The following KIR2DL1 variants were observed in gnomAD, a reference collection of about 807,000 sequenced individuals.
The protein encoded by KIR2DL1 is killer cell immunoglobulin like receptor, two Ig domains and long cytoplasmic tail 1.
A neutral mutation model predicts 33.9 loss-of-function variants in KIR2DL1; 38 were observed. That is an observed-to-expected ratio of 1.12 (90% CI 0.86 to 1.47). The LOEUF (loss-of-function observed/expected upper bound fraction) is 1.47, where lower values mean the gene tolerates loss of function less well. Ranked by LOEUF, KIR2DL1 falls within the 40% of genes most tolerant of loss-of-function variation. KIR2DL1 has a pLI of 0.00. For synonymous variants in KIR2DL1, 179 were observed against 165.9 expected, an observed-to-expected ratio of 1.08 and a Z score of -0.61; for missense variants, 531 against 433.9, an observed-to-expected ratio of 1.22 and a Z score of -1.99.
Position 54,775,370 on chromosome 19 carries a change from C to A in KIR2DL1, c.576C>A (p.His192Gln), listed in dbSNP as rs28465191. 0.031 allele frequency: 46,417 copies of A among 1,479,100 alleles called. 7 individuals carry two copies. The highest frequency in any genetic ancestry group is 0.085 in the Middle Eastern group (471 of 5,534). The allele number at this position is 1,479,100 out of a possible 1,614,324, so 91.6% of individuals were successfully genotyped here. A position where few individuals can be genotyped will look rare whatever the true frequency, so the allele number is the denominator to read the frequency against. ...QADFPLGPAT[H>Q]GGTYRCFGSF... Reference sequence around the variant, plus strand: ...ACTTTCCTCTGGGCCCTGCCACCCACGGAGGGACCTACAGATGCTTCGGCT... The same window carrying A: ...ACTTTCCTCTGGGCCCTGCCACCCAAGGAGGGACCTACAGATGCTTCGGCT... Residue 192 changes from histidine (H) to glutamine (Q), a missense_variant, in exon 4 of 8, where the codon CAC (histidine) becomes CAA (glutamine). Transcript: ENST00000336077.
At position 54,769,840 on chromosome 19, in the gene KIR2DL1, C is replaced by A; in HGVS notation, c.-11C>A. 1 of 1,569,330 alleles carries A rather than the reference C, an allele frequency of 6.4e-7. No homozygotes were observed. Among genetic ancestry groups the A allele is most frequent in the Non-Finnish European group, 8.7e-7 (1 of 1,146,996 alleles). On this transcript the variant is annotated 5_prime_UTR_variant, in exon 1 of 8. Transcript: ENST00000336077. ...GCTCGGTCGCGGCTGCCTGTCTGCT[C>A]CGGCAGCACCATGTCGCTCTTGGTC...
rs1366985532 is a variant in KIR2DL1, at chr19:54,775,651, C to G, written c.664+193C>G. On this transcript the variant is annotated intron_variant, in intron 4 of 7. Coordinates refer to ENST00000336077, the MANE Select transcript of KIR2DL1 (RefSeq NM_014218.3). Reference sequence around the variant, plus strand: ...CCTACATGGCCTGCATGGAGGCCCACGGCCAGGGCTCCAGGCACCCAGGCA... The same window carrying G: ...CCTACATGGCCTGCATGGAGGCCCAGGGCCAGGGCTCCAGGCACCCAGGCA... 2.7e-5 allele frequency among the ~76,000 whole-genome samples: 4 copies of G among 148,596 alleles called. 1 individual carries two copies. Among genetic ancestry groups the G allele is most frequent in the African/African-American group, 9.8e-5 (4 of 40,786 alleles).
In KIR2DL1 at chr19:54,777,024, G is replaced by A. The variant is rs1400407388; in HGVS notation, c.664+1566G>A. ...ACACTCCTCCCAACAGGGTACCAGG[G>A]TTCTCCTTTCTCTACCACCTTGCCA... On this transcript the variant is annotated intron_variant, in intron 4 of 7. Transcript: ENST00000336077. Among the ~76,000 whole-genome samples the A allele has an allele frequency of 9.1e-4, 138 of 151,790 alleles. No individual in the cohort carries two copies. In the East Asian group the frequency reaches 0.025, roughly 27 times the overall value.
At chr19:54,776,920 G>A (rs1251283099) in intron 4 of KIR2DL1, among the ~76,000 whole-genome samples, 3 of 148,234 alleles carry the variant, frequency 2.0e-5, no homozygotes, top group South Asian at 2.1e-4. Context: ...GGGATTACAG[G>A]CATGATCCAC....
At position 54,783,769 on chromosome 19, in the gene KIR2DL1, C is replaced by G. The variant is rs1426835729; in HGVS notation, c.1003C>G (p.Leu335Val). ...PPTDIIVYTE[L>V]PNAESRSKVV... ...AACAGATATCATCGTGTACACGGAA[C>G]TTCCAAATGCTGAGTCCAGATCCAA... Residue 335 changes from leucine to valine, a missense_variant, in exon 8 of 8, where the codon CTT becomes GTT. Physicochemically the swap from Leu to Val is conservative, Grantham distance 32. Transcript: ENST00000336077. 2 of 1,614,020 alleles carry G rather than the reference C, an allele frequency of 1.2e-6. No individual in the cohort carries two copies. Among genetic ancestry groups the G allele is most frequent in the South Asian group, 2.2e-5 (2 of 91,074 alleles).
rs529233835 is a variant in KIR2DL1, at chr19:54,783,248, C to T, written c.817+225C>T. On this transcript the variant is annotated intron_variant, in intron 6 of 7. Transcript: ENST00000336077. ...TCCCCATGTCCCCTGCAGCCACTCA[C>T]ATCCAGGAGAAGGTTCCATGACAGG... Among the ~76,000 whole-genome samples the T allele has an allele frequency of 3.3e-3, 501 of 151,374 alleles. 4 individuals carry two copies. Among genetic ancestry groups the T allele is most frequent in the East Asian group, 0.01 (54 of 5,170 alleles).
rs2077179766 is a variant in KIR2DL1 at position 54,782,913 on chromosome 19, T to C, written c.716-9T>C. The C allele has an allele frequency of 3.7e-6, 6 of 1,612,490 alleles. No individual in the cohort carries two copies. The highest frequency in any genetic ancestry group is 1.7e-4 in the Middle Eastern group (1 of 6,060). ...ATTAGCTTCTTATTGGTGTCTCATC[T>C]TCTTCCAGGTAACCCCCGACACCTG... On this transcript the variant is annotated splice_polypyrimidine_tract_variant and intron_variant, in intron 5 of 7. Transcript: ENST00000336077.
intron 3 of KIR2DL1, among the ~76,000 whole-genome samples, chr19:54,773,915 C>A (rs1423249277): frequency 6.7e-6 from 1 of 148,540 alleles, no homozygotes; most frequent in East Asian, 1.9e-4. Context: ...GGTGTCCCTC[C>A]ATGCTGACTT....
At chr19:54,782,061 C>G (rs2077024636) in intron 5 of KIR2DL1, among the ~76,000 whole-genome samples, 1 of 151,972 alleles carries the variant, frequency 6.6e-6, no homozygotes, top group Admixed American at 6.5e-5. Context: ...ACCTATATTT[C>G]AATGTGACCC....
At position 54,775,015 on chromosome 19, in the gene KIR2DL1, G is replaced by T. The variant is rs1363949630; in HGVS notation, c.371-150G>T. The T allele has an allele frequency of 4.3e-6, 5 of 1,162,430 alleles. No homozygotes were observed. In the African/African-American group the frequency reaches 6.3e-5, roughly 15 times the overall value. 72.0% of individuals were successfully genotyped at this position (1,162,430 alleles called of 1,614,324 possible). ...AGAGAGACAGAGAAGGTGGAAGGAGGAAATAGACATGAAGAGCGATGGGGT... is the reference window on the plus strand; with the variant it reads ...AGAGAGACAGAGAAGGTGGAAGGAGTAAATAGACATGAAGAGCGATGGGGT... On this transcript the variant is annotated intron_variant, in intron 3 of 7. Coordinates refer to ENST00000336077, the MANE Select transcript of KIR2DL1 (RefSeq NM_014218.3).
rs1386697615 is a variant in KIR2DL1, at chr19:54,781,825, G to GC, written c.716-1097_716-1096insC. 3.3e-5 allele frequency among the ~76,000 whole-genome samples: 5 copies of GC among 152,118 alleles called. No individual in the cohort carries two copies. The East Asian group carries it at 9.7e-4, about 29-fold the overall frequency. On this transcript the variant is annotated intron_variant, in intron 5 of 7. Coordinates refer to ENST00000336077, the MANE Select transcript of KIR2DL1 (RefSeq NM_014218.3). Reference sequence around the variant, plus strand: ...TGTTTTCTTTCCTTGGAGAATGCAAGTTGTTTGATTCAAGAATGCTGTGGA... The same window carrying GC: ...TGTTTTCTTTCCTTGGAGAATGCAAGCTTGTTTGATTCAAGAATGCTGTGGA...
At chr19:54,778,940 A>G (rs682157) in intron 5 of KIR2DL1, among the ~76,000 whole-genome samples, 37,300 of 120,220 alleles carry the variant, frequency 0.31, 5,085 homozygotes, top group South Asian at 0.43. Flanking sequence ...TGTTTGTTCT[A>G]CCTGCATTCC....
At position 54,775,544 on chromosome 19, in the gene KIR2DL1, G is replaced by A. The variant is rs1190736117; in HGVS notation, c.664+86G>A. The stretch of plus-strand genomic sequence containing the variant: ...CCTGCTGAGGATGGAGAGAAGCATG[G>A]ACAGATGCAGAGAGAAGACGCAGCC... On this transcript the variant is annotated intron_variant, in intron 4 of 7. Transcript: ENST00000336077. 3.5e-6 allele frequency: 5 copies of A among 1,427,434 alleles called. No homozygotes were observed. The Admixed American group carries it at 8.0e-5, about 23-fold the overall frequency. 88.4% of individuals were successfully genotyped at this position (1,427,434 alleles called of 1,614,324 possible). A position where few individuals can be genotyped will look rare whatever the true frequency, so the allele number is the denominator to read the frequency against.
At position 54,773,526 on chromosome 19, in the gene KIR2DL1, T is replaced by C. The variant is rs577972828; in HGVS notation, c.264T>C (p.Ser88=). Reference sequence around the variant, plus strand: ...TCTCCAAGGCCAACTTCTCCATCAGTCGCATGACGCAAGACCTGGCAGGGA... The same window carrying C: ...TCTCCAAGGCCAACTTCTCCATCAGCCGCATGACGCAAGACCTGGCAGGGA... ...DGVSKANFSI[S]RMTQDLAGTY... The change falls in exon 3 of 8, where the codon AGT becomes AGC. Residue 88 remains serine (S), a synonymous_variant. Coordinates refer to ENST00000336077, the MANE Select transcript of KIR2DL1 (RefSeq NM_014218.3). The C allele has an allele frequency of 1.3e-6, 2 of 1,584,116 alleles. No homozygotes were observed. Among genetic ancestry groups the C allele is most frequent in the African/African-American group, 2.7e-5 (2 of 74,114 alleles).
At chr19:54,774,352 G>A (rs61201800) in intron 3 of KIR2DL1, among the ~76,000 whole-genome samples, 74,672 of 142,366 alleles carry the variant, frequency 0.52, 18,051 homozygotes, top group Middle Eastern at 0.64. Flanking sequence ...GAGGGCAGAG[G>A]AGTGGTGAGA....
chr19:54,770,609 CGGCCTGGAGTGGAGATATG>C lies in KIR2DL1; in HGVS notation c.35-217_35-199del, dbSNP rs1400281899. ...CGATATGGGCTTAGGGTGGAAATAT[CGGCCTGGAGTGGAGATATG>C]GGCCTGGAGTGGAGATATGGGCTTG... On this transcript the variant is annotated intron_variant, in intron 1 of 7. Coordinates refer to ENST00000336077, the MANE Select transcript of KIR2DL1 (RefSeq NM_014218.3). 6.1e-5 allele frequency among the ~76,000 whole-genome samples: 5 copies of C among 81,558 alleles called. 1 individual carries two copies. The highest frequency in any genetic ancestry group is 1.4e-4 in the African/African-American group (3 of 21,008). 53.5% of individuals were successfully genotyped at this position (81,558 alleles called of 152,430 possible).
intron 5 of KIR2DL1, among the ~76,000 whole-genome samples, chr19:54,779,781 T>C (rs1356919377): frequency 2.0e-5 from 3 of 148,934 alleles, no homozygotes; most frequent in African/African-American, 7.4e-5. Flanking sequence ...ATTTGGCCTC[T>C]GCCCTTGGGA....
At position 54,770,679 on chromosome 19, in the gene KIR2DL1, G is replaced by C. The variant is rs1354674249; in HGVS notation, c.35-170G>C. 1.3e-5 allele frequency among the ~76,000 whole-genome samples: 2 copies of C among 148,456 alleles called. 1 individual carries two copies. The highest frequency in any genetic ancestry group is 4.9e-5 in the African/African-American group (2 of 40,704). On this transcript the variant is annotated intron_variant, in intron 1 of 7. Coordinates refer to ENST00000336077, the MANE Select transcript of KIR2DL1 (RefSeq NM_014218.3). ...AGGTGGGGATATGGACCTGGAGGCTGGGTCTCTGCACAGCCGACAGCCCTG... is the reference window on the plus strand; with the variant it reads ...AGGTGGGGATATGGACCTGGAGGCTCGGTCTCTGCACAGCCGACAGCCCTG...
rs573023434 is a variant in KIR2DL1 at position 54,778,672 on chromosome 19, G to C, written c.715+10G>C. ...CCAAGCTCCAAAACCGGTGAGTACA[G>C]AACCCTCTTATATCCGCTTTTGGAA... On this transcript the variant is annotated intron_variant, in intron 5 of 7. Transcript: ENST00000336077. 1 of 1,529,578 alleles carries C rather than the reference G, an allele frequency of 6.5e-7. No individual in the cohort carries two copies. The highest frequency in any genetic ancestry group is 2.2e-5 in the East Asian group (1 of 44,628). The allele number at this position is 1,529,578 out of a possible 1,614,324, so 94.8% of individuals were successfully genotyped here.
Sources: allele counts gnomAD v4.1 joint callset (sites outside exome capture counted in the v4.1 genomes callset), GRCh38; gene constraint gnomAD v4.1.1; transcripts MANE v1.5; gene names NCBI Gene and HGNC (gene_info 2026-07-23, HGNC 2026-07-21).